Variants in TSHZ2 observed in about 807,000 individuals in gnomAD.
TSHZ2 encodes the protein teashirt zinc finger homeobox 2.
In TSHZ2, 21 loss-of-function variants were observed where a neutral mutation model predicts 74.4. The ratio of observed to expected loss-of-function variants is 0.28; its 90% CI spans 0.20 to 0.41. The LOEUF (loss-of-function observed/expected upper bound fraction) is 0.41. Ranked by LOEUF, TSHZ2 falls within the 10% of genes least tolerant of loss-of-function variation. The pLI, the probability that TSHZ2 is intolerant of heterozygous loss-of-function variation, is 1.00. For synonymous variants in TSHZ2, 540 were observed against 515.3 expected, an observed-to-expected ratio of 1.05 and a Z score of -0.65; for missense variants, 1,244 against 1,293.5, an observed-to-expected ratio of 0.96 and a Z score of 0.59.
intron 2 of TSHZ2, among the ~76,000 whole-genome samples, chr20:53,359,469 TAAAC>T (rs1733609184): frequency 1.3e-5 from 2 of 152,242 alleles, no homozygotes; most frequent in Admixed American, 1.3e-4. Flanking sequence ...GGAACATACT[TAAAC>T]AAAAATATTA....
At chr20:53,044,644 C>T (rs560570337) in intron 1 of TSHZ2, among the ~76,000 whole-genome samples, 2 of 152,218 alleles carry the variant, frequency 1.3e-5, no homozygotes, top group South Asian at 2.1e-4. Flanking sequence ...GTTCTTGGAC[C>T]CCAGCCCCAG....
At chr20:53,216,637 C>G (rs1465795536) in intron 1 of TSHZ2, among the ~76,000 whole-genome samples, 3 of 152,174 alleles carry the variant, frequency 2.0e-5, no homozygotes, top group Non-Finnish European at 2.9e-5. Flanking sequence ...GTTTCTCATC[C>G]CCTGATGTTT....
At chr20:53,299,052 C>G (rs1290783280) in intron 2 of TSHZ2, among the ~76,000 whole-genome samples, 1 of 152,056 alleles carries the variant, frequency 6.6e-6, no homozygotes, top group Non-Finnish European at 1.5e-5. Flanking sequence ...TGACATAGTC[C>G]CAGGGTAGGT....
intron 2 of TSHZ2, among the ~76,000 whole-genome samples, chr20:53,417,241 GACACACACACACACACACACACAC>G (rs56822266): frequency 2.2e-5 from 3 of 138,124 alleles, no homozygotes; most frequent in Non-Finnish European, 3.2e-5. Flanking sequence ...GACACACACA[GACACACACACACACACACACACAC>G]ACACACACAC....
At chr20:53,276,109 C>T (rs1273160433) in intron 2 of TSHZ2, among the ~76,000 whole-genome samples, 1 of 152,184 alleles carries the variant, frequency 6.6e-6, no homozygotes, top group Non-Finnish European at 1.5e-5. Context: ...AGGATGTATG[C>T]CGTCAGAACT....
At chr20:53,348,830 G>C (rs1474089967) in intron 2 of TSHZ2, among the ~76,000 whole-genome samples, 1 of 152,172 alleles carries the variant, frequency 6.6e-6, no homozygotes, top group Non-Finnish European at 1.5e-5. Context: ...TCTCCTGGGA[G>C]GATGAAACAT....
intron 2 of TSHZ2, among the ~76,000 whole-genome samples, chr20:53,459,857 CTTTTCT>C (rs1985275808): frequency 6.6e-6 from 1 of 151,742 alleles, no homozygotes; most frequent in African/African-American, 2.4e-5. Flanking sequence ...GTTGAAAATT[CTTTTCT>C]TTAAGAATGT....
intron 2 of TSHZ2, among the ~76,000 whole-genome samples, chr20:53,430,142 T>C (rs1002371525): frequency 2.0e-5 from 3 of 152,204 alleles, no homozygotes; most frequent in Non-Finnish European, 4.4e-5. Flanking sequence ...TCTCACTCTG[T>C]CACCCAGGCT....
chr20:53,199,482 T>C (rs1988948607), intron 1 of TSHZ2, among the ~76,000 whole-genome samples: 1 of 151,928 alleles, frequency 6.6e-6, no homozygotes, highest in Non-Finnish European at 1.5e-5. Flanking sequence ...TCAAAAAAAG[T>C]AAAATAAAAT....
At chr20:53,308,686 T>C (rs954457580) in intron 2 of TSHZ2, among the ~76,000 whole-genome samples, 2 of 152,252 alleles carry the variant, frequency 1.3e-5, no homozygotes, top group African/African-American at 4.8e-5. Flanking sequence ...AGATCATTTA[T>C]ACATTTTTGT....
At chr20:53,219,301 A>G (rs1425338347) in intron 1 of TSHZ2, among the ~76,000 whole-genome samples, 1 of 152,240 alleles carries the variant, frequency 6.6e-6, no homozygotes, top group African/African-American at 2.4e-5. Context: ...TTAGCCAACA[A>G]CAAGAAATAA....
At chr20:53,305,476 C>T (rs1978493733) in intron 2 of TSHZ2, among the ~76,000 whole-genome samples, 1 of 152,106 alleles carries the variant, frequency 6.6e-6, no homozygotes, top group South Asian at 2.1e-4. Context: ...TGGGACACGC[C>T]AAGCTATATC....
chr20:53,253,423 C>A (rs754994796), intron 1 of TSHZ2, 76 bp from the exon 2 acceptor site: 1 of 1,511,032 alleles, frequency 6.6e-7, no homozygotes, highest in Non-Finnish European at 8.8e-7. Context: ...ATGGGAAGCA[C>A]TTAGTCTATG....
At chr20:53,107,362 G>C (rs1986406704) in intron 1 of TSHZ2, among the ~76,000 whole-genome samples, 1 of 152,128 alleles carries the variant, frequency 6.6e-6, no homozygotes. Context: ...AGATATCATA[G>C]TGGAGTCCAT....
At chr20:53,443,146 C>T (rs1277095396) in intron 2 of TSHZ2, among the ~76,000 whole-genome samples, 1 of 152,178 alleles carries the variant, frequency 6.6e-6, no homozygotes, top group East Asian at 1.9e-4. Flanking sequence ...GCACTTGCCA[C>T]ATTTTCTTGC....
chr20:53,435,587 C>T (rs1472884105), intron 2 of TSHZ2, among the ~76,000 whole-genome samples: 2 of 152,198 alleles, frequency 1.3e-5, no homozygotes, highest in African/African-American at 4.8e-5. Context: ...GATCTTGGCT[C>T]ACTGCAACCT....
chr20:53,369,507 GAC>G (rs1327642400), intron 2 of TSHZ2, among the ~76,000 whole-genome samples: 1 of 152,088 alleles, frequency 6.6e-6, no homozygotes. Flanking sequence ...AGGAGTTCAA[GAC>G]CAGCCGGGCC....
chr20:53,037,862 A>G (rs1983877719), intron 1 of TSHZ2, among the ~76,000 whole-genome samples: 1 of 152,100 alleles, frequency 6.6e-6, no homozygotes, highest in Non-Finnish European at 1.5e-5. Context: ...CTCCACACCC[A>G]ACTTCATGAG....
At chr20:53,237,452 T>C (rs1420761517) in intron 1 of TSHZ2, among the ~76,000 whole-genome samples, 2 of 152,156 alleles carry the variant, frequency 1.3e-5, no homozygotes, top group African/African-American at 4.8e-5. Flanking sequence ...TTGTGCAAGA[T>C]GATATTGACC....
Sources: gnomAD v4.1 joint callset for allele counts (sites outside exome capture counted in the v4.1 genomes callset) on GRCh38, gnomAD v4.1.1 for gene constraint, MANE v1.5 for transcripts, NCBI Gene and HGNC (gene_info 2026-07-23, HGNC 2026-07-21) for gene names.